LIN28A: variants seen among roughly 807,000 people sequenced by gnomAD.
The protein encoded by LIN28A is lin-28 RNA binding posttranscriptional regulator A, also known as protein lin-28 homolog A.
Under a neutral mutation model 21.1 loss-of-function variants are expected in LIN28A, and 11 were observed. That is an observed-to-expected ratio of 0.52 (90% confidence interval 0.33 to 0.86). LIN28A has a LOEUF of 0.86. LIN28A is among the 40% of genes least tolerant of loss of function. The pLI is 0.03. For synonymous variants in LIN28A, 111 were observed against 108.7 expected (o/e 1.02, Z -0.13); for missense variants, 219 against 279.8 (o/e 0.78, Z 1.55).
In LIN28A at chr1:26,426,450, C is replaced by G. The variant is rs2075060187; in HGVS notation, c.622C>G (p.Gln208Glu). The change falls in exon 4 of 4, where the codon CAG becomes GAG. Residue 208 changes from glutamine to glutamate, a missense_variant. Gln to Glu is a conservative substitution (Grantham distance 29). This residue lies in a region of LIN28A where 45 missense variants were observed against 37.7 expected (regional missense o/e 1.19). Transcript: ENST00000326279. ...IHSPTLLPEA[Q>E]N ...CAGCCCTACCCTGCTCCCGGAGGCA[C>G]AGAATTGAGCCACAATGGGTGGGGG... 6.2e-7 allele frequency: 1 copy of G among 1,613,690 alleles called. No homozygotes were observed. Among genetic ancestry groups the G allele is most frequent in the Non-Finnish European group, 8.5e-7 (1 of 1,179,568 alleles).
At position 26,428,822 on chromosome 1, in the gene LIN28A, G is replaced by A. The variant is rs1408173194; in HGVS notation, c.*2364G>A. 6.6e-6 allele frequency: 1 copy of A among 152,160 alleles called. No homozygotes were observed. The highest frequency in any genetic ancestry group is 1.5e-5 in the Non-Finnish European group (1 of 68,222). The allele number at this position is 152,160 out of a possible 1,614,324, so 9.4% of individuals were successfully genotyped here. A position where few individuals can be genotyped will look rare whatever the true frequency, so the allele number is the denominator to read the frequency against. ...CAAAGTGCTGGGATTACAGGCATGA[G>A]CCACCATGCTGGGCCAACCATTTCT... On this transcript the variant is annotated 3_prime_UTR_variant, in exon 4 of 4. Coordinates refer to ENST00000326279, the MANE Select transcript of LIN28A (RefSeq NM_024674.6).
At chr1:26,412,254 A>C (rs1402545454) in intron 2 of LIN28A, among the ~76,000 whole-genome samples, 2 of 152,096 alleles carry the variant, frequency 1.3e-5, no homozygotes, top group African/African-American at 4.8e-5. Flanking sequence ...GGAAGTCGGT[A>C]GGTCGCAACC....
intron 2 of LIN28A, among the ~76,000 whole-genome samples, chr1:26,417,009 C>T (rs2074997393): frequency 8.7e-6 from 1 of 115,312 alleles, no homozygotes; most frequent in Non-Finnish European, 1.7e-5. Context: ...GTCTAGGAAC[C>T]TTTCATTCTT....
chr1:26,428,173 T>C lies in LIN28A; in HGVS notation c.*1715T>C, dbSNP rs1327750807. ...TCTTTGGGGGTTTTGTTTACAAACT[T>C]CTTTTTGTATTGAGAGAAAAATAGC... is the stretch of plus-strand genomic sequence containing the variant. On this transcript the variant is annotated 3_prime_UTR_variant, in exon 4 of 4. Transcript: ENST00000326279. 2.0e-5 allele frequency: 3 copies of C among 152,676 alleles called. No homozygotes were observed. The highest frequency in any genetic ancestry group is 1.5e-5 in the Non-Finnish European group (1 of 68,050). 9.5% of individuals were successfully genotyped at this position (152,676 alleles called of 1,614,324 possible). A position where few individuals can be genotyped will look rare whatever the true frequency, so the allele number is the denominator to read the frequency against.
chr1:26,426,362 C>T lies in LIN28A; in HGVS notation c.534C>T (p.Ala178=). The part of the protein sequence containing the change: ...SHMVASCPLK[A]QQGPSAQGKP... ...TGGTAGCCTCATGTCCGCTGAAGGC[C>T]CAGCAGGGCCCTAGTGCACAGGGAA... The change falls in exon 4 of 4, where the codon GCC becomes GCT. Residue 178 remains alanine, a synonymous_variant. Transcript: ENST00000326279. 6.2e-7 allele frequency: 1 copy of T among 1,614,168 alleles called. No homozygotes were observed. Among genetic ancestry groups the T allele is most frequent in the Non-Finnish European group, 8.5e-7 (1 of 1,180,030 alleles).
intron 2 of LIN28A, among the ~76,000 whole-genome samples, chr1:26,423,085 G>A (rs757695871): frequency 7.2e-5 from 11 of 151,780 alleles, no homozygotes; most frequent in Admixed American, 2.6e-4. Context: ...ACAGAGTCTC[G>A]CTCCATCACC....
chr1:26,414,573 A>T (rs1471901739), intron 2 of LIN28A, among the ~76,000 whole-genome samples: 1 of 152,204 alleles, frequency 6.6e-6, no homozygotes, highest in Non-Finnish European at 1.5e-5. Context: ...CAAAACAAAA[A>T]GCAAAGAGAT....
chr1:26,426,199 T>C, intron 3 of LIN28A, 43 bp from the exon 4 acceptor site: 1 of 1,555,862 alleles, frequency 6.4e-7, no homozygotes, highest in Non-Finnish European at 8.9e-7. Context: ...TCTGGCCTCT[T>C]CTTGCTCCTT....
rs1406998268 is a variant in LIN28A, at chr1:26,411,533, C to G, written c.179C>G (p.Ala60Gly). Residue 60 changes from alanine (A) to glycine (G), a missense_variant, in exon 2 of 4, where the codon GCC (alanine) becomes GGC (glycine). By Grantham distance (60) the Ala-to-Gly change is moderately conservative (BLOSUM62 0). Around this residue, in one of 3 missense-constraint regions of LIN28A, gnomAD observed 124 missense variants for 193.1 expected, o/e 0.64. Coordinates refer to ENST00000326279, the MANE Select transcript of LIN28A (RefSeq NM_024674.6). This position sits in a 1 kb window ranked among gnomAD's most constrained non-coding sequence, Gnocchi z 5.4. ...GGGTTCGGCTTCCTGTCCATGACCG[C>G]CCGCGCCGGGGTCGCGCTCGACCCC... is the stretch of plus-strand genomic sequence containing the variant. ...RMGFGFLSMT[A>G]RAGVALDPPV... is the part of the protein sequence containing the mutation. The G allele has an allele frequency of 6.2e-7, 1 of 1,613,938 alleles. No homozygotes were observed. The highest frequency in any genetic ancestry group is 8.5e-7 in the Non-Finnish European group (1 of 1,179,920).
intron 3 of LIN28A, among the ~76,000 whole-genome samples, chr1:26,425,931 A>G (rs2075056455): frequency 2.0e-5 from 3 of 152,162 alleles, no homozygotes; most frequent in South Asian, 2.1e-4. Flanking sequence ...AATTTCTCCT[A>G]TATTAAGGGT....
Position 26,411,358 on chromosome 1 carries a change from C to G in LIN28A, c.32-28C>G. On this transcript the variant is annotated intron_variant, in intron 1 of 3. Transcript: ENST00000326279. The surrounding 1 kb of genome is among the most constrained non-coding windows in gnomAD (Gnocchi z 5.4). The stretch of plus-strand genomic sequence containing the variant: ...GGCCCTCCGATTCCGTGCCCCCCAG[C>G]TAAGTGCCCGGCCCTCCCTCTCTCC... The G allele has an allele frequency of 6.5e-7, 1 of 1,531,544 alleles. No homozygotes were observed. Among genetic ancestry groups the G allele is most frequent in the Middle Eastern group, 2.3e-4 (1 of 4,298 alleles). The allele number at this position is 1,531,544 out of a possible 1,614,324, so 94.9% of individuals were successfully genotyped here.
chr1:26,421,151 CT>C (rs1166777575), intron 2 of LIN28A, among the ~76,000 whole-genome samples: 1 of 151,668 alleles, frequency 6.6e-6, no homozygotes, highest in East Asian at 1.9e-4. Flanking sequence ...CTAAATCTTG[CT>C]TTTTGTTTTT....
At chr1:26,421,157 G>GT (rs1465278605) in intron 2 of LIN28A, among the ~76,000 whole-genome samples, 1 of 151,080 alleles carries the variant, frequency 6.6e-6, no homozygotes, top group East Asian at 1.9e-4. Context: ...CTTGCTTTTT[G>GT]TTTTTTCTTT....
At chr1:26,425,801 C>G (rs527613901) in intron 3 of LIN28A, among the ~76,000 whole-genome samples, 6 of 152,310 alleles carry the variant, frequency 3.9e-5, no homozygotes, top group East Asian at 1.9e-4. Context: ...AATGGTGGGA[C>G]AAGACAGTAT....
At chr1:26,414,389 GA>G (rs2074981492) in intron 2 of LIN28A, among the ~76,000 whole-genome samples, 1 of 152,098 alleles carries the variant, frequency 6.6e-6, no homozygotes, top group Non-Finnish European at 1.5e-5. Flanking sequence ...GAGGAAGGGG[GA>G]AAGGCAATTT....
At chr1:26,419,222 G>A (rs2075014971) in intron 2 of LIN28A, among the ~76,000 whole-genome samples, 1 of 150,728 alleles carries the variant, frequency 6.6e-6, no homozygotes, top group South Asian at 2.1e-4. Flanking sequence ...TCTGATAAGA[G>A]AGGAATTCAA....
chr1:26,426,238 C>G lies in LIN28A; in HGVS notation c.414-4C>G. The G allele has an allele frequency of 6.2e-7, 1 of 1,613,176 alleles. No homozygotes were observed. The highest frequency in any genetic ancestry group is 8.5e-7 in the Non-Finnish European group (1 of 1,179,152). On this transcript the variant is annotated splice_region_variant and splice_polypyrimidine_tract_variant and intron_variant, in intron 3 of 3. Coordinates refer to ENST00000326279, the MANE Select transcript of LIN28A (RefSeq NM_024674.6). ...CTTACTTTTACGATCTTGCTTTGTA[C>G]TAGGTGCTACAACTGTGGAGGTCTA...
chr1:26,413,007 C>T (rs534139088), intron 2 of LIN28A, among the ~76,000 whole-genome samples: 15 of 152,098 alleles, frequency 9.9e-5, no homozygotes, highest in Non-Finnish European at 2.1e-4. Flanking sequence ...TGGCTTTTCT[C>T]CCTTCTCTGT....
chr1:26,426,145 A>C (rs939817678), intron 3 of LIN28A, 97 bp from the exon 4 acceptor site: 88 of 950,708 alleles, frequency 9.3e-5, no homozygotes, highest in Non-Finnish European at 1.3e-4. Flanking sequence ...GAAGTAAGTG[A>C]CAAACCTGTA....
Sources: gnomAD v4.1 joint callset for allele counts (sites outside exome capture counted in the v4.1 genomes callset) on GRCh38, gnomAD v4.1.1 for gene constraint, gnomAD v4.1.1 regional missense constraint, Gnocchi (gnomAD v3.1) non-coding constraint, MANE v1.5 for transcripts, NCBI Gene and HGNC (gene_info 2026-07-23, HGNC 2026-07-21) for gene names.